Variants in SEMA5A observed in about 807,000 individuals in gnomAD.
SEMA5A encodes semaphorin-5A.
Under a neutral mutation model 135.5 loss-of-function variants are expected in SEMA5A, and 55 were observed. That is an observed-to-expected ratio of 0.41 (90% CI 0.33 to 0.51). SEMA5A has a LOEUF of 0.51. Among genes scored for constraint, SEMA5A ranks in the 20% least tolerant of loss-of-function variants. The pLI, the probability that SEMA5A is intolerant of heterozygous loss-of-function variation, is 0.37. For missense variants in SEMA5A, 1,290 were observed against 1,419.9 expected (o/e 0.91, Z 1.47); for synonymous variants, 580 against 546.5 (o/e 1.06, Z -0.85).
intron 3 of SEMA5A, among the ~76,000 whole-genome samples, chr5:9,348,538 G>C (rs1753977101): frequency 6.6e-6 from 1 of 152,248 alleles, no homozygotes; most frequent in South Asian, 2.1e-4. Context: ...TTTGCCCAGT[G>C]CAGAAGGGTT....
chr5:9,240,548 C>A (rs1026499027), intron 5 of SEMA5A, among the ~76,000 whole-genome samples: 1 of 151,592 alleles, frequency 6.6e-6, no homozygotes, highest in African/African-American at 2.4e-5. Context: ...CATCACTTGA[C>A]AGACATGAAA....
intron 8 of SEMA5A, among the ~76,000 whole-genome samples, chr5:9,221,396 G>C (rs13177212): frequency 7.0e-6 from 1 of 142,942 alleles, no homozygotes; most frequent in Non-Finnish European, 1.6e-5. Context: ...TCCGCCTCCC[G>C]GGTTCACACC....
chr5:9,083,920 T>C (rs949173435), intron 16 of SEMA5A, among the ~76,000 whole-genome samples: 3 of 152,214 alleles, frequency 2.0e-5, no homozygotes, highest in African/African-American at 7.2e-5. Flanking sequence ...ACAGGTGCCA[T>C]TGTCTTCCTT....
intron 3 of SEMA5A, among the ~76,000 whole-genome samples, chr5:9,352,544 C>T (rs1491003983): frequency 6.6e-6 from 1 of 152,210 alleles, no homozygotes; most frequent in Non-Finnish European, 1.5e-5. Flanking sequence ...GCCACCATAC[C>T]TGGCCCAATT....
intron 4 of SEMA5A, among the ~76,000 whole-genome samples, chr5:9,330,478 A>G (rs977063248): frequency 7.2e-5 from 11 of 152,070 alleles, no homozygotes; most frequent in African/African-American, 2.7e-4. Flanking sequence ...CAGAAGGAAC[A>G]GAATGGTTAG....
At chr5:9,473,715 T>C (rs1579599252) in intron 1 of SEMA5A, among the ~76,000 whole-genome samples, 1 of 151,920 alleles carries the variant, frequency 6.6e-6, no homozygotes. Flanking sequence ...TGCATGGCCA[T>C]GGGTGGACTG....
In SEMA5A at chr5:9,367,668, T is replaced by C. The variant is rs935365160; in HGVS notation, c.124+12155A>G. 7.2e-5 allele frequency among the ~76,000 whole-genome samples: 11 copies of C among 152,274 alleles called. No homozygotes were observed. In the East Asian group the frequency reaches 1.9e-3, roughly 27 times the overall value. On this transcript the variant is annotated intron_variant, in intron 3 of 22. Coordinates refer to ENST00000382496, the MANE Select transcript of SEMA5A (RefSeq NM_003966.3). ...CATGAACTTAGCCCTTAAAATAACT[T>C]TGTGAGGAAAACTTTACTGATAAAA...
intron 1 of SEMA5A, among the ~76,000 whole-genome samples, chr5:9,469,638 A>G (rs1029166491): frequency 6.6e-6 from 1 of 152,218 alleles, no homozygotes; most frequent in African/African-American, 2.4e-5. Flanking sequence ...TCCCACTGGG[A>G]TATCAATGGA....
At chr5:9,229,376 C>T (rs1747492741) in intron 6 of SEMA5A, among the ~76,000 whole-genome samples, 1 of 151,932 alleles carries the variant, frequency 6.6e-6, no homozygotes. Context: ...AGGGAAAGAA[C>T]AAAACAAAAG....
chr5:9,291,172 C>T lies in SEMA5A; in HGVS notation c.270+27200G>A, dbSNP rs79005972. Among the ~76,000 whole-genome samples, 1,388 of 152,234 alleles carry T rather than the reference C, an allele frequency of 9.1e-3. 12 individuals carry two copies. The highest frequency in any genetic ancestry group is 0.017 in the Admixed American group (267 of 15,282). On this transcript the variant is annotated intron_variant, in intron 5 of 22. Coordinates refer to ENST00000382496, the MANE Select transcript of SEMA5A (RefSeq NM_003966.3). ...CATTTAGATGTTTGCTAAAAATGGT[C>T]GTTCTTGGCCACTGGAGTCAGAATC...
chr5:9,171,716 G>C (rs570233542), intron 11 of SEMA5A, among the ~76,000 whole-genome samples: 1 of 152,128 alleles, frequency 6.6e-6, no homozygotes, highest in African/African-American at 2.4e-5. Flanking sequence ...GGCTGAGAGG[G>C]AGCCGGGTTC....
chr5:9,410,795 C>G (rs1289652710), intron 2 of SEMA5A, among the ~76,000 whole-genome samples: 1 of 151,492 alleles, frequency 6.6e-6, no homozygotes, highest in East Asian at 1.9e-4. Flanking sequence ...GTGCAACAAA[C>G]CTGCACATTC....
At chr5:9,518,636 T>C (rs1301661936) in intron 1 of SEMA5A, among the ~76,000 whole-genome samples, 1 of 152,190 alleles carries the variant, frequency 6.6e-6, no homozygotes, top group African/African-American at 2.4e-5. Context: ...ATAAGCAACT[T>C]CTCTGTGTGT....
chr5:9,295,390 T>C (rs144016813), intron 5 of SEMA5A, among the ~76,000 whole-genome samples: 123 of 152,286 alleles, frequency 8.1e-4, no homozygotes, highest in African/African-American at 2.9e-3. Flanking sequence ...AATTCTGGTT[T>C]GCAAACTCCA....
At position 9,036,428 on chromosome 5, in the gene SEMA5A, G is replaced by C. The variant is rs1735657826; in HGVS notation, c.*6469C>G. The stretch of plus-strand genomic sequence containing the variant: ...TTCCATGCTCACTGTATCTATACCA[G>C]TTGTCACCAGCCTGTGTCTGATTTT... On this transcript the variant is annotated 3_prime_UTR_variant, in exon 23 of 23. Coordinates refer to ENST00000382496, the MANE Select transcript of SEMA5A (RefSeq NM_003966.3). The C allele has an allele frequency of 6.6e-6, 1 of 152,112 alleles. No individual in the cohort carries two copies. The highest frequency in any genetic ancestry group is 2.1e-4 in the South Asian group (1 of 4,832). The allele number at this position is 152,112 out of a possible 1,614,324, so 9.4% of individuals were successfully genotyped here. A position where few individuals can be genotyped will look rare whatever the true frequency, so the allele number is the denominator to read the frequency against.
Position 9,269,315 on chromosome 5 carries a change from A to C in SEMA5A, c.271-31425T>G, listed in dbSNP as rs1365766370. 2.0e-5 allele frequency among the ~76,000 whole-genome samples: 3 copies of C among 152,156 alleles called. 1 individual carries two copies. Among genetic ancestry groups the C allele is most frequent in the Non-Finnish European group, 2.9e-5 (2 of 68,012 alleles). ...CAGGATCTCCTGTAGGCATGGAAGC[A>C]GTAGAAATAGATATTAATAATAATC... is the stretch of plus-strand genomic sequence containing the variant. On this transcript the variant is annotated intron_variant, in intron 5 of 22. Coordinates refer to ENST00000382496, the MANE Select transcript of SEMA5A (RefSeq NM_003966.3).
chr5:9,092,130 A>C (rs1739068140), intron 16 of SEMA5A, among the ~76,000 whole-genome samples: 1 of 152,156 alleles, frequency 6.6e-6, no homozygotes, highest in African/African-American at 2.4e-5. Flanking sequence ...TATTCCACCC[A>C]GCTGCATCCT....
intron 5 of SEMA5A, among the ~76,000 whole-genome samples, chr5:9,249,747 A>T (rs530054925): frequency 2.0e-5 from 3 of 152,276 alleles, no homozygotes; most frequent in African/African-American, 7.2e-5. Flanking sequence ...TGGATGAAGG[A>T]ACATTTCTTA....
chr5:9,463,382 G>A (rs748597517), intron 1 of SEMA5A, among the ~76,000 whole-genome samples: 6 of 152,144 alleles, frequency 3.9e-5, no homozygotes, highest in Non-Finnish European at 7.4e-5. Context: ...AAGTCTTCTC[G>A]AGGGAAGGGC....
Sources: allele counts gnomAD v4.1 joint callset (sites outside exome capture counted in the v4.1 genomes callset), GRCh38; gene constraint gnomAD v4.1.1; transcripts MANE v1.5; gene names NCBI Gene and HGNC (gene_info 2026-07-23, HGNC 2026-07-21).